Variants in CCDC183 observed in about 807,000 individuals in gnomAD.
CCDC183 encodes coiled-coil domain-containing protein 183.
Under a neutral mutation model 65.2 loss-of-function variants are expected in CCDC183, and 63 were observed. The observed-to-expected ratio is 0.97, with a 90% CI of 0.79 to 1.19. CCDC183 has a LOEUF of 1.19. CCDC183 is among the 50% of genes most tolerant of loss of function. The pLI is 0.00. For missense variants in CCDC183, 769 were observed against 689.3 expected, an observed-to-expected ratio of 1.12 and a Z score of -1.30; for synonymous variants, 323 against 276.5, an observed-to-expected ratio of 1.17 and a Z score of -1.67.
intron 3 of CCDC183, 40 bp downstream of exon 3, chr9:136,799,830 A>AC: frequency 8.5e-7 from 1 of 1,179,968 alleles, no homozygotes; most frequent in Non-Finnish European, 1.2e-6. Context: ...AACCCTCCCC[A>AC]CCCCTGCCAG....
chr9:136,805,279 C>A, intron 8 of CCDC183, 78 bp from the exon 9 acceptor site: 1 of 1,210,030 alleles, frequency 8.3e-7, no homozygotes, highest in Non-Finnish European at 1.2e-6. Flanking sequence ...TGGGCAGGTA[C>A]AGAGGTGTCT....
At chr9:136,806,893 C>T (rs1564352909) in intron 12 of CCDC183, 26 bp downstream of exon 12, 1 of 1,613,348 alleles carries the variant, frequency 6.2e-7, no homozygotes, top group East Asian at 2.2e-5. Context: ...GAGGAACCTG[C>T]ACAGCCCACG....
At chr9:136,799,554 C>A in intron 2 of CCDC183, 159 bp from the exon 3 acceptor site, 1 of 719,180 alleles carries the variant, frequency 1.4e-6, no homozygotes, top group Non-Finnish European at 2.3e-6. Flanking sequence ...ACTTGGATGG[C>A]CAGGATGGGG....
In CCDC183 at chr9:136,806,616, A is replaced by G; in HGVS notation, c.1222A>G (p.Met408Val). The G allele has an allele frequency of 6.2e-7, 1 of 1,613,722 alleles. No homozygotes were observed. Among genetic ancestry groups the G allele is most frequent in the Non-Finnish European group, 8.5e-7 (1 of 1,180,036 alleles). Residue 408 changes from methionine to valine, a missense_variant, in exon 11 of 14, where the codon ATG becomes GTG. Coordinates refer to ENST00000338005, the MANE Select transcript of CCDC183 (RefSeq NM_001039374.5). ...KGQELLLTIQ[M>V]GIDNLYVRLM... ...CCAGGAGCTGCTGCTGACCATCCAG[A>G]TGGGCATCGACAACCTCTATGTCCG...
Position 136,799,775 on chromosome 9 carries a change from C to A in CCDC183, c.255C>A (p.Cys85Ter). 1 of 1,612,918 alleles carries A rather than the reference C, an allele frequency of 6.2e-7. No individual in the cohort carries two copies. Among genetic ancestry groups the A allele is most frequent in the Non-Finnish European group, 8.5e-7 (1 of 1,179,756 alleles). Residue 85 changes from cysteine to a stop codon, truncating the protein, a stop_gained, in exon 3 of 14, where the codon TGC (cysteine) becomes TGA (stop). Coordinates refer to ENST00000338005, the MANE Select transcript of CCDC183 (RefSeq NM_001039374.5). LOFTEE classifies it high-confidence loss of function. ...ACTTGCCTTTGCGACTGGCGCACTG[C>A]CGCAGCACCATGGAGGTAACCAGGC... ...GKNLPLRLAH[C>*]RSTMEVVREK... is the part of the protein sequence containing the mutation.
intron 1 of CCDC183, 28 bp downstream of exon 1, chr9:136,796,495 C>T: frequency 1.3e-6 from 2 of 1,528,630 alleles, no homozygotes; most frequent in Non-Finnish European, 1.8e-6. Flanking sequence ...TGACCAGTCT[C>T]CCTTTCCCGT....
chr9:136,806,293 G>A (rs1353380000), intron 10 of CCDC183, 55 bp downstream of exon 10: 13 of 1,534,274 alleles, frequency 8.5e-6, no homozygotes, highest in South Asian at 2.4e-5. Flanking sequence ...CAAAGGCCCC[G>A]GGCTGCAGCC....
chr9:136,799,682 C>A, intron 2 of CCDC183, 31 bp from the exon 3 acceptor site: 1 of 1,603,184 alleles, frequency 6.2e-7, no homozygotes. Context: ...CGCAAAGGGC[C>A]CGCTCTAGCT....
At position 136,804,635 on chromosome 9, in the gene CCDC183, C is replaced by T. The variant is rs781615899; in HGVS notation, c.792+8C>T. 1.9e-6 allele frequency: 3 copies of T among 1,613,644 alleles called. No individual in the cohort carries two copies. The highest frequency in any genetic ancestry group is 2.5e-6 in the Non-Finnish European group (3 of 1,179,906). On this transcript the variant is annotated splice_region_variant and intron_variant, in intron 7 of 13. Coordinates refer to ENST00000338005, the MANE Select transcript of CCDC183 (RefSeq NM_001039374.5). The surrounding 1 kb of genome is among the most constrained non-coding windows in gnomAD (Gnocchi z 4.1). Reference sequence around the variant, plus strand: ...AGCGAGAAGTACCGCCGGGTAAGCCCCAGGCCAGGGCCTGGCTGGCTGCCC... The same window carrying T: ...AGCGAGAAGTACCGCCGGGTAAGCCTCAGGCCAGGGCCTGGCTGGCTGCCC...
Position 136,806,580 on chromosome 9 carries a change from A to G in CCDC183, c.1186A>G (p.Met396Val). The change falls in exon 11 of 14, where the codon ATG (methionine) becomes GTG (valine). Residue 396 changes from methionine (M) to valine (V), a missense_variant. Physicochemically the swap from Met to Val is conservative, Grantham distance 21. Transcript: ENST00000338005. ...GAGGCTCCAGCTGGCGCACAGCAAC[A>G]TGACCAAGGGCCAGGAGCTGCTGCT... ...EERLQLAHSN[M>V]TKGQELLLTI... is the part of the protein sequence containing the mutation. 6 of 1,613,722 alleles carry G rather than the reference A, an allele frequency of 3.7e-6. No individual in the cohort carries two copies. The highest frequency in any genetic ancestry group is 3.3e-5 in the South Asian group (3 of 91,084).
chr9:136,807,405 G>A, intron 13 of CCDC183, 167 bp from the exon 14 acceptor site: 1 of 888,454 alleles, frequency 1.1e-6, no homozygotes. Context: ...AGGCAGGGCA[G>A]CGTGAGCCGC....
chr9:136,796,381 G>A lies in CCDC183; in HGVS notation c.-17G>A, dbSNP rs765347869. 13 of 1,563,640 alleles carry A rather than the reference G, an allele frequency of 8.3e-6. No homozygotes were observed. The highest frequency in any genetic ancestry group is 1.7e-4 in the Middle Eastern group (1 of 5,998). On this transcript the variant is annotated 5_prime_UTR_variant, in exon 1 of 14. Transcript: ENST00000338005. ...CTTTGAGGTACACAGGGTCCCTTGG[G>A]GGGCCTGAGAGCAGCCATGAGGAGG...
At position 136,807,672 on chromosome 9, in the gene CCDC183, CAAGA is replaced by C; in HGVS notation, c.1590_1593del (p.Lys531ArgfsTer16). 6.2e-7 allele frequency: 1 copy of C among 1,602,670 alleles called. No individual in the cohort carries two copies. The highest frequency in any genetic ancestry group is 8.5e-7 in the Non-Finnish European group (1 of 1,174,880). On this transcript the variant is annotated frameshift_variant, in exon 14 of 14. Coordinates refer to ENST00000338005, the MANE Select transcript of CCDC183 (RefSeq NM_001039374.5). LOFTEE classifies it high-confidence loss of function. ...TAATCGAGGGGAAGCTCAAGGCGGC[CAAGA>C]AAAAGAAGAAGTAGCCCCGCCGCCC... is the stretch of plus-strand genomic sequence containing the variant.
chr9:136,807,615 G>C lies in CCDC183; in HGVS notation c.1530G>C (p.Ser510=). Residue 510 remains serine (S), a synonymous_variant, in exon 14 of 14, where the codon TCG becomes TCC. Coordinates refer to ENST00000338005, the MANE Select transcript of CCDC183 (RefSeq NM_001039374.5). ...ACATGGACCACAGCTACGTCCCTTC[G>C]CGCGCCGAGATCAAGAGGCAGGCGC... ...FPDMDHSYVP[S]RAEIKRQAQR... 7 of 1,605,180 alleles carry C rather than the reference G, an allele frequency of 4.4e-6. No individual in the cohort carries two copies. The highest frequency in any genetic ancestry group is 3.4e-6 in the Non-Finnish European group (4 of 1,176,446).
chr9:136,803,997 A>G (rs1847796733), intron 6 of CCDC183: 1 of 166,176 alleles, frequency 6.0e-6, no homozygotes, highest in African/African-American at 2.4e-5. Flanking sequence ...TCACCTGGGT[A>G]TACCCGGGGT....
At position 136,806,067 on chromosome 9, in the gene CCDC183, G is replaced by C. The variant is rs772118361; in HGVS notation, c.949-11G>C. 33 of 1,547,884 alleles carry C rather than the reference G, an allele frequency of 2.1e-5. No homozygotes were observed. The African/African-American group carries it at 4.5e-4, about 21-fold the overall frequency. On this transcript the variant is annotated splice_polypyrimidine_tract_variant and intron_variant, in intron 9 of 13. Coordinates refer to ENST00000338005, the MANE Select transcript of CCDC183 (RefSeq NM_001039374.5). ...GCCCACACCTGCTTCTCTCTCCCCCGGACTGGCCAGGACATCACTAGCCGC... is the reference window on the plus strand; with the variant it reads ...GCCCACACCTGCTTCTCTCTCCCCCCGACTGGCCAGGACATCACTAGCCGC...
Position 136,799,240 on chromosome 9 carries a change from C to A in CCDC183, c.192+17C>A. On this transcript the variant is annotated intron_variant, in intron 2 of 13. Transcript: ENST00000338005. ...GCCAAGAAGGTACACAAACGCCGCCCCTCCCCTCTGCCTGGCGAGCAGGGC... is the reference window on the plus strand; with the variant it reads ...GCCAAGAAGGTACACAAACGCCGCCACTCCCCTCTGCCTGGCGAGCAGGGC... 1 of 1,583,186 alleles carries A rather than the reference C, an allele frequency of 6.3e-7. No individual in the cohort carries two copies. Among genetic ancestry groups the A allele is most frequent in the South Asian group, 1.2e-5 (1 of 86,082 alleles).
In CCDC183 at chr9:136,806,833, C is replaced by A. The variant is rs979891225; in HGVS notation, c.1355C>A (p.Ala452Asp). The change falls in exon 12 of 14, where the codon GCT becomes GAT. Residue 452 changes from alanine to aspartate, a missense_variant. Transcript: ENST00000338005. ...AYCEGKLTYL[A>D]DRVQMVSRTE... Reference sequence around the variant, plus strand: ...TGCGAGGGGAAGCTCACGTACCTGGCTGACAGAGTGCAGATGGTGTCCAGG... The same window carrying A: ...TGCGAGGGGAAGCTCACGTACCTGGATGACAGAGTGCAGATGGTGTCCAGG... 1.2e-6 allele frequency: 2 copies of A among 1,613,504 alleles called. No individual in the cohort carries two copies. The highest frequency in any genetic ancestry group is 1.3e-5 in the African/African-American group (1 of 74,930).
At position 136,804,336 on chromosome 9, in the gene CCDC183, A is replaced by AG. The variant is rs1847804066; in HGVS notation, c.667-162dup. 7 of 905,554 alleles carry AG rather than the reference A, an allele frequency of 7.7e-6. No individual in the cohort carries two copies. In the Admixed American group the frequency reaches 1.7e-4, roughly 22 times the overall value. The allele number at this position is 905,554 out of a possible 1,614,324, so 56.1% of individuals were successfully genotyped here. On this transcript the variant is annotated intron_variant, in intron 6 of 13. Transcript: ENST00000338005. The surrounding 1 kb of genome is among the most constrained non-coding windows in gnomAD (Gnocchi z 4.1). ...CATGGGCAAGGAGGGCCGTGAGCTG[A>AG]GGGGCCACGGGCACAAGTGGTTTAG...
Sources: gnomAD v4.1 joint callset for allele counts on GRCh38, gnomAD v4.1.1 for gene constraint, Gnocchi (gnomAD v3.1) non-coding constraint, MANE v1.5 for transcripts, NCBI Gene and HGNC (gene_info 2026-07-23, HGNC 2026-07-21) for gene names.